The following MEI4 variants were observed in gnomAD, a reference collection of about 807,000 sequenced individuals.
MEI4 encodes meiosis-specific protein MEI4.
A neutral mutation model predicts 31.4 loss-of-function variants in MEI4; 27 were observed. The observed-to-expected ratio is 0.86, with a 90% CI of 0.63 to 1.19. The LOEUF (loss-of-function observed/expected upper bound fraction) is 1.19, where lower values mean the gene tolerates loss of function less well. MEI4 is among the 50% of genes most tolerant of loss of function. MEI4 has a pLI of 0.00. For missense variants in MEI4, 329 were observed against 398.9 expected, an observed-to-expected ratio of 0.82 and a Z score of 1.49; for synonymous variants, 122 against 145.4, an observed-to-expected ratio of 0.84 and a Z score of 1.16.
chr6:77,728,297 C>A (rs186693294), intron 2 of MEI4, among the ~76,000 whole-genome samples: 1 of 152,278 alleles, frequency 6.6e-6, no homozygotes, highest in Admixed American at 6.5e-5. Flanking sequence ...AAGAAAAAGT[C>A]TGCTTACTAC....
intron 2 of MEI4, among the ~76,000 whole-genome samples, chr6:77,733,792 G>A: frequency 6.6e-6 from 1 of 151,972 alleles, no homozygotes; most frequent in Non-Finnish European, 1.5e-5. Context: ...TCTACACAGT[G>A]CTTTGAATGT....
chr6:77,910,650 A>G (rs567466805), intron 4 of MEI4, among the ~76,000 whole-genome samples: 4 of 152,278 alleles, frequency 2.6e-5, no homozygotes, highest in South Asian at 4.1e-4. Context: ...TATAGATTCA[A>G]TGCCATCCCC....
intron 1 of MEI4, among the ~76,000 whole-genome samples, chr6:77,653,773 G>A (rs1476723721): frequency 6.6e-6 from 1 of 151,894 alleles, no homozygotes; most frequent in East Asian, 1.9e-4. Flanking sequence ...AATTTTTTTT[G>A]TCACCTGCCT....
rs1766068363 is a variant in MEI4 at position 77,697,089 on chromosome 6, A to G, written c.232+6186A>G. Among the ~76,000 whole-genome samples the G allele has an allele frequency of 2.0e-5, 3 of 152,040 alleles. No homozygotes were observed. In the South Asian group the frequency reaches 6.2e-4, roughly 32 times the overall value. On this transcript the variant is annotated intron_variant, in intron 2 of 4. Coordinates refer to ENST00000684080, the MANE Select transcript of MEI4 (RefSeq NM_001322247.2). Reference sequence around the variant, plus strand: ...GTAGTATTCTCTGATGGTAGTTTGTATTTCTGTGTGATCGGTGGTGTTATT... The same window carrying G: ...GTAGTATTCTCTGATGGTAGTTTGTGTTTCTGTGTGATCGGTGGTGTTATT...
intron 3 of MEI4, among the ~76,000 whole-genome samples, chr6:77,815,555 G>T (rs1029516495): frequency 6.6e-6 from 1 of 151,954 alleles, no homozygotes; most frequent in African/African-American, 2.4e-5. Context: ...GTTAAATATT[G>T]GTTGTCTCTG....
intron 4 of MEI4, among the ~76,000 whole-genome samples, chr6:77,904,242 C>T (rs993556895): frequency 3.3e-5 from 5 of 152,212 alleles, no homozygotes; most frequent in African/African-American, 1.2e-4. Context: ...ATAAGACTCA[C>T]GTAAAGCATC....
chr6:77,890,128 G>T (rs759893440), intron 4 of MEI4, among the ~76,000 whole-genome samples: 1 of 152,232 alleles, frequency 6.6e-6, no homozygotes, highest in Non-Finnish European at 1.5e-5. Flanking sequence ...TAGTGGAACT[G>T]TCAGAAGAGG....
chr6:77,782,744 C>T (rs1477844323), intron 3 of MEI4, among the ~76,000 whole-genome samples: 1 of 152,146 alleles, frequency 6.6e-6, no homozygotes, highest in Non-Finnish European at 1.5e-5. Context: ...GAGCTGGAAA[C>T]ATAGCCATTG....
chr6:77,895,391 A>G (rs908779440), intron 4 of MEI4, among the ~76,000 whole-genome samples: 1 of 152,106 alleles, frequency 6.6e-6, no homozygotes, highest in African/African-American at 2.4e-5. Context: ...TCAATGCATC[A>G]TCACTAAGCA....
intron 4 of MEI4, among the ~76,000 whole-genome samples, chr6:77,859,733 G>A (rs1262518276): frequency 6.6e-6 from 1 of 152,058 alleles, no homozygotes; most frequent in African/African-American, 2.4e-5. Flanking sequence ...TTAAATCATG[G>A]AAAAAGAATC....
intron 3 of MEI4, among the ~76,000 whole-genome samples, chr6:77,787,156 A>T (rs1205442362): frequency 1.3e-5 from 2 of 151,870 alleles, no homozygotes; most frequent in Non-Finnish European, 2.9e-5. Context: ...AACTGTGGAC[A>T]CTGAAGCAGC....
rs74417819 is a variant in MEI4 at position 77,914,441 on chromosome 6, T to C, written c.901-8648T>C. On this transcript the variant is annotated intron_variant, in intron 4 of 4. Coordinates refer to ENST00000684080, the MANE Select transcript of MEI4 (RefSeq NM_001322247.2). Reference sequence around the variant, plus strand: ...TTACTGATTTTATATTTTATTCCACTGTGGTCACAGAAGATACTTAATACT... The same window carrying C: ...TTACTGATTTTATATTTTATTCCACCGTGGTCACAGAAGATACTTAATACT... Among the ~76,000 whole-genome samples the C allele has an allele frequency of 2.9e-4, 44 of 152,150 alleles. No individual in the cohort carries two copies. In the East Asian group the frequency reaches 8.6e-3, roughly 30 times the overall value.
chr6:77,747,483 A>G (rs565668623), intron 2 of MEI4, among the ~76,000 whole-genome samples: 1 of 152,222 alleles, frequency 6.6e-6, no homozygotes, highest in African/African-American at 2.4e-5. Context: ...TGAGAGAGAG[A>G]GCAAAGGGGG....
rs556165160 is a variant in MEI4, at chr6:77,881,766, C to T, written c.901-41323C>T. Among the ~76,000 whole-genome samples the T allele has an allele frequency of 2.6e-5, 4 of 152,264 alleles. No homozygotes were observed. In the South Asian group the frequency reaches 8.3e-4, roughly 32 times the overall value. On this transcript the variant is annotated intron_variant, in intron 4 of 4. Coordinates refer to ENST00000684080, the MANE Select transcript of MEI4 (RefSeq NM_001322247.2). The stretch of plus-strand genomic sequence containing the variant: ...AAGTGTCTTAGACATCAAGGGGTAG[C>T]TAATTGAACAGTATTATATGACATA...
At chr6:77,694,968 G>A (rs1765978760) in intron 2 of MEI4, among the ~76,000 whole-genome samples, 1 of 151,632 alleles carries the variant, frequency 6.6e-6, no homozygotes, top group Non-Finnish European at 1.5e-5. Flanking sequence ...ACTGGTGTGA[G>A]ATGGTATCTC....
At chr6:77,908,374 C>T (rs181156937) in intron 4 of MEI4, among the ~76,000 whole-genome samples, 368 of 152,210 alleles carry the variant, frequency 2.4e-3, no homozygotes, top group African/African-American at 8.6e-3. Flanking sequence ...TATGGTTAGC[C>T]AGTTTTCCCA....
intron 2 of MEI4, among the ~76,000 whole-genome samples, chr6:77,698,625 G>C (rs1766121910): frequency 6.6e-6 from 1 of 152,192 alleles, no homozygotes; most frequent in Non-Finnish European, 1.5e-5. Flanking sequence ...TAGAGTTTCT[G>C]CTGAGAGATC....
At chr6:77,766,731 G>T (rs1304365881) in intron 3 of MEI4, among the ~76,000 whole-genome samples, 1 of 152,058 alleles carries the variant, frequency 6.6e-6, no homozygotes, top group East Asian at 1.9e-4. Flanking sequence ...ACCATGCCAG[G>T]TCGAAATCAG....
chr6:77,744,588 GC>G (rs1767526941), intron 2 of MEI4, among the ~76,000 whole-genome samples: 1 of 152,140 alleles, frequency 6.6e-6, no homozygotes, highest in African/African-American at 2.4e-5. Context: ...AGCAAGGCAG[GC>G]CAACATTCAG....
Sources: gnomAD v4.1 joint callset for allele counts (sites outside exome capture counted in the v4.1 genomes callset) on GRCh38, gnomAD v4.1.1 for gene constraint, MANE v1.5 for transcripts, NCBI Gene and HGNC (gene_info 2026-07-23, HGNC 2026-07-21) for gene names.